COPG2: variants seen among roughly 807,000 people sequenced by gnomAD.
COPG2 encodes coat protein complex I subunit gamma 2.
Under a neutral mutation model 46.3 loss-of-function variants are expected in COPG2, and 37 were observed. That is an observed-to-expected ratio of 0.80 (90% CI 0.61 to 1.05). COPG2 has a LOEUF of 1.05. COPG2 is among the 50% of genes least tolerant of loss of function. The pLI is 0.00. For missense variants in COPG2, 427 were observed against 387.8 expected (o/e 1.10, Z -0.85); for synonymous variants, 159 against 129.7 (o/e 1.23, Z -1.53).
intron 5 of COPG2, among the ~76,000 whole-genome samples, chr7:130,623,197 C>T (rs1795065951): frequency 6.6e-6 from 1 of 152,076 alleles, no homozygotes; most frequent in African/African-American, 2.4e-5. Flanking sequence ...AATCAAGGGC[C>T]AATGAGTTAA....
At chr7:130,543,571 TAA>T (rs1198397759) in intron 20 of COPG2, among the ~76,000 whole-genome samples, 1 of 152,162 alleles carries the variant, frequency 6.6e-6, no homozygotes. Context: ...AGGATGCAGG[TAA>T]GTATGTTGGA....
At chr7:130,601,205 T>A (rs1374777856) in intron 9 of COPG2, among the ~76,000 whole-genome samples, 2 of 152,244 alleles carry the variant, frequency 1.3e-5, no homozygotes, top group African/African-American at 2.4e-5. Flanking sequence ...AGGAACTCTT[T>A]TACACTGTTG....
At chr7:130,652,836 G>A (rs1554459303) in intron 5 of COPG2, 33 bp downstream of exon 5, 1 of 1,328,572 alleles carries the variant, frequency 7.5e-7, no homozygotes, top group Admixed American at 1.9e-5. Flanking sequence ...AAATATATAA[G>A]TATCTCATCC....
At chr7:130,595,460 T>C (rs1554449585) in intron 9 of COPG2, among the ~76,000 whole-genome samples, 2 of 152,222 alleles carry the variant, frequency 1.3e-5, no homozygotes. Flanking sequence ...TTTGTGAATA[T>C]ACTAAAAATT....
At chr7:130,568,143 T>C (rs1793834193) in intron 9 of COPG2, among the ~76,000 whole-genome samples, 1 of 152,004 alleles carries the variant, frequency 6.6e-6, no homozygotes, top group South Asian at 2.1e-4. Flanking sequence ...GGCATGGTGG[T>C]GGATGCCTGT....
At chr7:130,603,885 C>A (rs554134195) in intron 9 of COPG2, 2 of 518,074 alleles carry the variant, frequency 3.9e-6, no homozygotes, top group Admixed American at 1.9e-5. Flanking sequence ...TCACTAATAA[C>A]CTACTATTAA....
At chr7:130,658,846 A>C (rs934116733) in intron 4 of COPG2, among the ~76,000 whole-genome samples, 3 of 151,980 alleles carry the variant, frequency 2.0e-5, no homozygotes, top group Non-Finnish European at 4.4e-5. Flanking sequence ...ACACCCAGCT[A>C]ATTTTTTGTA....
intron 9 of COPG2, among the ~76,000 whole-genome samples, chr7:130,579,750 G>A (rs1369489414): frequency 1.7e-4 from 25 of 151,076 alleles, no homozygotes; most frequent in Middle Eastern, 3.4e-3. Context: ...AAGAGACAAG[G>A]CCATTACATA....
Position 130,653,047 on chromosome 7 carries a change from G to C in COPG2, c.244-99C>G, listed in dbSNP as rs1464312626. The C allele has an allele frequency of 8.3e-6, 6 of 720,360 alleles. No homozygotes were observed. The Middle Eastern group carries it at 1.2e-3, about 140-fold the overall frequency. 44.6% of individuals were successfully genotyped at this position (720,360 alleles called of 1,614,324 possible). A position where few individuals can be genotyped will look rare whatever the true frequency, so the allele number is the denominator to read the frequency against. ...CCCAAGTAGATATATATTTTAGAAA[G>C]ATATTCTTTAAAAGAGTCTCATCTA... On this transcript the variant is annotated intron_variant, in intron 4 of 23. Coordinates refer to ENST00000425248, the MANE Select transcript of COPG2 (RefSeq NM_012133.6).
At chr7:130,608,120 C>T (rs782017782) in intron 9 of COPG2, 2 of 376,892 alleles carry the variant, frequency 5.3e-6, no homozygotes, top group Non-Finnish European at 1.0e-5. Flanking sequence ...ATATGTTTTA[C>T]AAAGATTTTT....
intron 5 of COPG2, among the ~76,000 whole-genome samples, chr7:130,636,393 T>C (rs1795337174): frequency 6.6e-6 from 1 of 152,156 alleles, no homozygotes. Context: ...TGCTCCTGCA[T>C]TGGGTGCATT....
At chr7:130,657,886 C>T (rs1306386149) in intron 4 of COPG2, among the ~76,000 whole-genome samples, 1 of 152,040 alleles carries the variant, frequency 6.6e-6, no homozygotes, top group African/African-American at 2.4e-5. Context: ...AAAATAAAAA[C>T]GACAATACAA....
chr7:130,508,499 A>G, intron 21 of COPG2, 63 bp downstream of exon 21: 2 of 703,920 alleles, frequency 2.8e-6, no homozygotes, highest in Non-Finnish European at 5.3e-6. Flanking sequence ...ATGTTCTCTC[A>G]AGGCAGAAGT....
chr7:130,518,831 C>T (rs1421681102), intron 20 of COPG2, among the ~76,000 whole-genome samples: 1 of 151,952 alleles, frequency 6.6e-6, no homozygotes, highest in African/African-American at 2.4e-5. Context: ...TGGAGAAACC[C>T]CGTCTCTACT....
At chr7:130,603,994 A>G in intron 9 of COPG2, 1 of 402,108 alleles carries the variant, frequency 2.5e-6, no homozygotes, top group Non-Finnish European at 4.9e-6. Context: ...AAAAGAAAAT[A>G]TTAAGAAAAT....
At chr7:130,580,159 T>C (rs1315553435) in intron 9 of COPG2, among the ~76,000 whole-genome samples, 1 of 152,036 alleles carries the variant, frequency 6.6e-6, no homozygotes, top group Non-Finnish European at 1.5e-5. Context: ...CAGACCACAG[T>C]GCAATCAAAC....
chr7:130,597,829 G>A (rs1410756788), intron 9 of COPG2, among the ~76,000 whole-genome samples: 1 of 152,104 alleles, frequency 6.6e-6, no homozygotes, highest in African/African-American at 2.4e-5. Flanking sequence ...TACTTTATTA[G>A]TCTATCAGCA....
At chr7:130,597,697 G>C (rs1794556217) in intron 9 of COPG2, among the ~76,000 whole-genome samples, 1 of 152,160 alleles carries the variant, frequency 6.6e-6, no homozygotes, top group Admixed American at 6.6e-5. Flanking sequence ...ATAAAATAAG[G>C]GAAATAACTC....
At chr7:130,555,370 CA>C (rs1384155919) in intron 12 of COPG2, among the ~76,000 whole-genome samples, 1 of 152,182 alleles carries the variant, frequency 6.6e-6, no homozygotes, top group Non-Finnish European at 1.5e-5. Context: ...GTTCATTCAA[CA>C]GATCCCTTCC....
Sources: allele counts gnomAD v4.1 joint callset (sites outside exome capture counted in the v4.1 genomes callset), GRCh38; gene constraint gnomAD v4.1.1; transcripts MANE v1.5; gene names NCBI Gene and HGNC (gene_info 2026-07-23, HGNC 2026-07-21).